FOXP2: variants seen among roughly 807,000 people sequenced by gnomAD.
FOXP2 encodes the protein forkhead box protein P2.
A neutral mutation model predicts 115.8 loss-of-function variants in FOXP2; 12 were observed. The observed-to-expected ratio is 0.10, with a 90% CI of 0.07 to 0.17. The LOEUF (loss-of-function observed/expected upper bound fraction) is 0.17, where lower values mean the gene tolerates loss of function less well. FOXP2 is among the 10% of genes least tolerant of loss of function. The probability of loss-of-function intolerance (pLI) is 1.00; values close to 1 mark genes in which losing one functional copy is unlikely to be tolerated. For missense variants in FOXP2, 629 were observed against 843.5 expected (o/e 0.75, Z 3.15); for synonymous variants, 328 against 297.7 (o/e 1.10, Z -1.05).
intron 2 of FOXP2, among the ~76,000 whole-genome samples, chr7:114,318,419 A>C (rs1206965404): frequency 1.2e-5 from 1 of 82,292 alleles, no homozygotes; most frequent in East Asian, 3.1e-4. Context: ...TTTTTATTTT[A>C]AATTCAGATT....
At chr7:114,685,970 G>GT (rs530289364) in intron 16 of FOXP2, among the ~76,000 whole-genome samples, 2,102 of 144,028 alleles carry the variant, frequency 0.015, 21 homozygotes, top group African/African-American at 0.037. Flanking sequence ...GAAAACCGGT[G>GT]TTTTTTTTTT....
chr7:114,386,509 G>T (rs1792457965), intron 2 of FOXP2, among the ~76,000 whole-genome samples: 1 of 152,214 alleles, frequency 6.6e-6, no homozygotes, highest in Admixed American at 6.5e-5. Context: ...CTTCAGAGAT[G>T]AGGGTTTCTC....
intron 1 of FOXP2, among the ~76,000 whole-genome samples, chr7:114,115,617 C>T (rs1791384226): frequency 1.3e-5 from 2 of 152,094 alleles, no homozygotes; most frequent in South Asian, 2.1e-4. Flanking sequence ...TTCTTCTCTA[C>T]TCAACCCTCT....
At chr7:114,338,366 T>C (rs1797908943) in intron 2 of FOXP2, among the ~76,000 whole-genome samples, 1 of 150,978 alleles carries the variant, frequency 6.6e-6, no homozygotes, top group African/African-American at 2.4e-5. Context: ...AATAAGCTTT[T>C]CAATAACAAA....
chr7:114,632,939 A>C (rs1361648771), intron 6 of FOXP2, among the ~76,000 whole-genome samples: 1 of 152,142 alleles, frequency 6.6e-6, no homozygotes, highest in African/African-American at 2.4e-5. Context: ...TAGAAAAATA[A>C]ATACAATTTA....
intron 1 of FOXP2, among the ~76,000 whole-genome samples, chr7:114,204,117 A>C (rs564785975): frequency 6.6e-6 from 1 of 152,096 alleles, no homozygotes; most frequent in African/African-American, 2.4e-5. Flanking sequence ...CTGTAGATCA[A>C]TATGTCCGAT....
chr7:114,684,113 C>T (rs1420059777), intron 16 of FOXP2, among the ~76,000 whole-genome samples: 3 of 152,172 alleles, frequency 2.0e-5, no homozygotes, highest in Non-Finnish European at 4.4e-5. Context: ...CCACCTCAGC[C>T]TCCCAAGTAG....
chr7:114,433,882 A>C (rs190459026), intron 2 of FOXP2, among the ~76,000 whole-genome samples: 13 of 152,090 alleles, frequency 8.5e-5, no homozygotes, highest in African/African-American at 2.6e-4. Flanking sequence ...GATTCAGAAA[A>C]TAGTGATCTG....
At chr7:114,344,621 G>C (rs1022779580) in intron 2 of FOXP2, among the ~76,000 whole-genome samples, 1 of 151,814 alleles carries the variant, frequency 6.6e-6, no homozygotes, top group African/African-American at 2.4e-5. Flanking sequence ...TTCTCAGATT[G>C]ACCGTAGACA....
At chr7:114,242,019 T>C (rs1012314929) in intron 1 of FOXP2, among the ~76,000 whole-genome samples, 27 of 148,790 alleles carry the variant, frequency 1.8e-4, no homozygotes, top group Admixed American at 1.6e-3. Flanking sequence ...TCCAGCATTA[T>C]CTAGTAGCCT....
intron 2 of FOXP2, among the ~76,000 whole-genome samples, chr7:114,337,722 G>C (rs910416670): frequency 6.6e-5 from 10 of 151,076 alleles, no homozygotes; most frequent in Non-Finnish European, 1.5e-4. Flanking sequence ...AGCCGATTTT[G>C]TATTAGATGA....
intron 2 of FOXP2, among the ~76,000 whole-genome samples, chr7:114,289,511 A>G (rs1289381599): frequency 2.6e-5 from 4 of 151,824 alleles, no homozygotes; most frequent in Admixed American, 1.3e-4. Context: ...TAGCCTTTTG[A>G]TATATAAGTT....
intron 1 of FOXP2, among the ~76,000 whole-genome samples, chr7:114,236,045 T>C (rs1795000997): frequency 6.6e-6 from 1 of 152,198 alleles, no homozygotes; most frequent in African/African-American, 2.4e-5. Context: ...CTATCCCTGA[T>C]TGCTTTGAGT....
At chr7:114,412,519 A>G (rs923817686), upstream of FOXP2, among the ~76,000 whole-genome samples, 9 of 152,016 alleles carry the variant, frequency 5.9e-5, no homozygotes, top group African/African-American at 1.9e-4. Context: ...GTTTATTGGG[A>G]GGTATTTGCA....
rs553897549 is a variant in FOXP2, at chr7:114,654,713, A to C, written c.1266+704A>C. Among the ~76,000 whole-genome samples, 5 of 152,298 alleles carry C rather than the reference A, an allele frequency of 3.3e-5. No individual in the cohort carries two copies. The East Asian group carries it at 7.7e-4, about 24-fold the overall frequency. ...TCTCATTCAGCTGATGTTTGCACAGAAACTTAGAGTAATCAACTGGGTAAC... is the reference window on the plus strand; with the variant it reads ...TCTCATTCAGCTGATGTTTGCACAGCAACTTAGAGTAATCAACTGGGTAAC... On this transcript the variant is annotated intron_variant, in intron 10 of 16. Coordinates refer to ENST00000350908, the MANE Select transcript of FOXP2 (RefSeq NM_014491.4).
chr7:114,416,120 C>G (rs1232292753), intron 1 of FOXP2, among the ~76,000 whole-genome samples: 1 of 151,946 alleles, frequency 6.6e-6, no homozygotes, highest in East Asian at 1.9e-4. Context: ...ACTTTTCATT[C>G]TGTCTGCTTC....
At chr7:114,086,999 G>C (rs1179631541), upstream of FOXP2, among the ~76,000 whole-genome samples, 3 of 152,164 alleles carry the variant, frequency 2.0e-5, no homozygotes, top group Non-Finnish European at 4.4e-5. Flanking sequence ...CCAGATGTGT[G>C]TTTGTTTACT....
intron 6 of FOXP2, among the ~76,000 whole-genome samples, chr7:114,642,197 A>G (rs930069885): frequency 1.3e-5 from 2 of 152,018 alleles, no homozygotes; most frequent in East Asian, 3.9e-4. Flanking sequence ...TCCCCATACT[A>G]TTCCCAAATT....
chr7:114,464,672 G>A (rs747599084), intron 2 of FOXP2, among the ~76,000 whole-genome samples: 4 of 152,182 alleles, frequency 2.6e-5, no homozygotes, highest in Non-Finnish European at 5.9e-5. Context: ...ATTTGTTTCA[G>A]TGGCTTACAT....
Sources: gnomAD v4.1 joint callset for allele counts (sites outside exome capture counted in the v4.1 genomes callset) on GRCh38, gnomAD v4.1.1 for gene constraint, MANE v1.5 for transcripts, NCBI Gene and HGNC (gene_info 2026-07-23, HGNC 2026-07-21) for gene names.